Variants in TNRC6A observed in about 807,000 individuals in gnomAD.
The protein encoded by TNRC6A is trinucleotide repeat containing adaptor 6A, also known as trinucleotide repeat-containing gene 6A protein.
TNRC6A carries 44 observed loss-of-function variants against 221.2 expected under a neutral mutation model. The ratio of observed to expected loss-of-function variants is 0.20; its 90% CI spans 0.16 to 0.26. The LOEUF (loss-of-function observed/expected upper bound fraction) is 0.26. Among genes scored for constraint, TNRC6A ranks in the 10% least tolerant of loss-of-function variants. The pLI, the probability that TNRC6A is intolerant of heterozygous loss-of-function variation, is 1.00. For missense variants in TNRC6A, 2,199 were observed against 2,404.4 expected (o/e 0.91, Z 1.79); for synonymous variants, 847 against 838.5 (o/e 1.01, Z -0.18).
At chr16:24,783,469 C>T (rs1052945190) in intron 5 of TNRC6A, among the ~76,000 whole-genome samples, 3 of 151,906 alleles carry the variant, frequency 2.0e-5, no homozygotes, top group South Asian at 4.2e-4. Context: ...CACCAGTCTT[C>T]GTTCAGCCCC....
At chr16:24,812,091 C>T (rs112411469) in intron 18 of TNRC6A, among the ~76,000 whole-genome samples, 10 of 117,874 alleles carry the variant, frequency 8.5e-5, no homozygotes, top group African/African-American at 3.3e-4. Context: ...CTCGGTCACC[C>T]AGGCTGGAGT....
At chr16:24,696,751 G>GAAAA (rs2055872388) in intron 2 of TNRC6A, among the ~76,000 whole-genome samples, 1 of 42,628 alleles carries the variant, frequency 2.3e-5, no homozygotes, top group Non-Finnish European at 4.2e-5. Context: ...AAAAAGAAAG[G>GAAAA]AAAGGAAAGG....
intron 16 of TNRC6A, 144 bp from the exon 17 acceptor site, chr16:24,806,430 G>A: frequency 1.5e-6 from 2 of 1,348,020 alleles, no homozygotes; most frequent in Non-Finnish European, 2.0e-6. Flanking sequence ...TCTGCTGGTT[G>A]CCCATGAGTT....
At chr16:24,755,798 AT>A (rs993855179) in intron 3 of TNRC6A, among the ~76,000 whole-genome samples, 37 of 150,682 alleles carry the variant, frequency 2.5e-4, no homozygotes, top group African/African-American at 6.3e-4. Flanking sequence ...CATAGCTCAG[AT>A]TTTTTTTTTA....
intron 2 of TNRC6A, among the ~76,000 whole-genome samples, chr16:24,705,636 G>A (rs2142256491): frequency 6.6e-6 from 1 of 152,208 alleles, no homozygotes; most frequent in East Asian, 1.9e-4. Flanking sequence ...CCAGCCTTAG[G>A]TGAATTCTTA....
intron 14 of TNRC6A, 32 bp from the exon 15 acceptor site, chr16:24,805,573 C>G (rs748984812): frequency 6.2e-7 from 1 of 1,612,122 alleles, no homozygotes; most frequent in Non-Finnish European, 8.5e-7. Flanking sequence ...GTTATTTTAT[C>G]AAGATCATTA....
chr16:24,638,042 C>T (rs1901729553), intron 1 of TNRC6A, among the ~76,000 whole-genome samples: 1 of 152,180 alleles, frequency 6.6e-6, no homozygotes, highest in South Asian at 2.1e-4. Flanking sequence ...GCCTCAGTCT[C>T]CCAAAGTGCT....
chr16:24,769,458 A>T (rs578233185), intron 4 of TNRC6A, among the ~76,000 whole-genome samples: 2 of 146,548 alleles, frequency 1.4e-5, no homozygotes, highest in East Asian at 4.1e-4. Flanking sequence ...GGGTGGGGTC[A>T]CAGTATGACC....
chr16:24,673,995 A>G (rs1044867168), intron 2 of TNRC6A, among the ~76,000 whole-genome samples: 4 of 152,338 alleles, frequency 2.6e-5, no homozygotes, highest in East Asian at 1.9e-4. Flanking sequence ...GGCATCAGAT[A>G]CCATCCAAAA....
chr16:24,689,600 T>C (rs1263773931), intron 2 of TNRC6A, among the ~76,000 whole-genome samples: 2 of 152,200 alleles, frequency 1.3e-5, no homozygotes, highest in African/African-American at 4.8e-5. Context: ...GGAGCTCCTA[T>C]GTACCAGCAC....
chr16:24,809,328 G>A, intron 17 of TNRC6A, 22 bp from the exon 18 acceptor site: 1 of 1,486,530 alleles, frequency 6.7e-7, no homozygotes, highest in Non-Finnish European at 9.0e-7. Flanking sequence ...CTAAGGTTTT[G>A]TTTTGTTTTT....
intron 2 of TNRC6A, among the ~76,000 whole-genome samples, chr16:24,713,380 T>C (rs2056244852): frequency 1.3e-5 from 2 of 151,906 alleles, no homozygotes; most frequent in South Asian, 2.1e-4. Context: ...ATCATGCCAG[T>C]GCACTCCAGC....
chr16:24,809,232 A>T, intron 17 of TNRC6A, 118 bp from the exon 18 acceptor site: 1 of 899,428 alleles, frequency 1.1e-6, no homozygotes, highest in Non-Finnish European at 1.5e-6. Flanking sequence ...TTATAGTATT[A>T]ACAGTTATGT....
chr16:24,802,947 A>G (rs2058358048), intron 11 of TNRC6A, among the ~76,000 whole-genome samples: 1 of 152,218 alleles, frequency 6.6e-6, no homozygotes, highest in Admixed American at 6.5e-5. Context: ...AAGATTTTGC[A>G]GGAAAAAAGT....
At chr16:24,729,160 T>C (rs555893568), upstream of TNRC6A, among the ~76,000 whole-genome samples, 7 of 152,206 alleles carry the variant, frequency 4.6e-5, no homozygotes, top group Admixed American at 2.0e-4. Flanking sequence ...GCCTCAGGTA[T>C]GCATTCTTTA....
chr16:24,788,953 T>C (rs915970876), intron 5 of TNRC6A, among the ~76,000 whole-genome samples: 1 of 152,162 alleles, frequency 6.6e-6, no homozygotes, highest in African/African-American at 2.4e-5. Flanking sequence ...CGGCCCAAAA[T>C]TCTTTTATTT....
Position 24,750,726 on chromosome 16 carries a change from G to C in TNRC6A, c.54G>C (p.Arg18Ser). 6.5e-7 allele frequency: 1 copy of C among 1,528,568 alleles called. No homozygotes were observed. The highest frequency in any genetic ancestry group is 8.7e-7 in the Non-Finnish European group (1 of 1,143,876). 94.7% of individuals were successfully genotyped at this position (1,528,568 alleles called of 1,614,324 possible). ...ATKDVERNLS[R>S]DLVQEEEQLM... The stretch of plus-strand genomic sequence containing the variant: ...ACTTAATTGCAACTGTGTGGTTCAG[G>C]GATTTAGTGCAAGAAGAAGAACAGT... Residue 18 changes from arginine (R) to serine (S), a missense_variant and splice_region_variant, in exon 3 of 25, where the codon AGG (arginine) becomes AGC (serine). Transcript: ENST00000395799.
intron 1 of TNRC6A, 21 bp from the exon 2 acceptor site, chr16:24,730,228 TTTTG>T (rs1441356062): frequency 5.0e-6 from 8 of 1,596,580 alleles, no homozygotes; most frequent in East Asian, 2.3e-5. Flanking sequence ...TTTGTTTTGT[TTTTG>T]TTTTTGTTTT....
At chr16:24,761,067 T>G (rs2057353177) in intron 4 of TNRC6A, among the ~76,000 whole-genome samples, 1 of 152,226 alleles carries the variant, frequency 6.6e-6, no homozygotes, top group Non-Finnish European at 1.5e-5. Context: ...GAATTCCTGC[T>G]TCTCTTACAG....
Sources: allele counts gnomAD v4.1 joint callset (sites outside exome capture counted in the v4.1 genomes callset), GRCh38; gene constraint gnomAD v4.1.1; transcripts MANE v1.5; gene names NCBI Gene and HGNC (gene_info 2026-07-23, HGNC 2026-07-21).